NLRP13: variants seen among roughly 807,000 people sequenced by gnomAD.
NLRP13 encodes NLR family pyrin domain containing 13, also known as NACHT, LRR and PYD domains-containing protein 13.
NLRP13 carries 82 observed loss-of-function variants against 94.4 expected under a neutral mutation model. That is an observed-to-expected ratio of 0.87 (90% confidence interval 0.73 to 1.04). The LOEUF is 1.04. NLRP13 is among the 50% of genes least tolerant of loss of function. The pLI is 0.00. For synonymous variants in NLRP13, 553 were observed against 464.7 expected, an observed-to-expected ratio of 1.19 and a Z score of -2.45; for missense variants, 1,426 against 1,230.8, an observed-to-expected ratio of 1.16 and a Z score of -2.37.
intron 1 of NLRP13, among the ~76,000 whole-genome samples, chr19:55,929,126 CAG>C (rs1987041463): frequency 1.3e-5 from 2 of 152,160 alleles, no homozygotes; most frequent in South Asian, 4.1e-4. Flanking sequence ...AGTCAGGAAA[CAG>C]ATGCTGGAGA....
Position 55,910,723 on chromosome 19 carries a change from A to G in NLRP13, c.2122T>C (p.Phe708Leu). ...TTCCATGCGTGCATCCTGGAATCAA[A>G]CTTGCTTGTCCTTCATGAGGGAGAG... is the stretch of plus-strand genomic sequence containing the variant. ...RDLEILETSK[F>L]DSRMHAWNSI... The change falls in exon 6 of 11, where the codon TTT becomes CTT. Residue 708 changes from phenylalanine (F) to leucine (L), a missense_variant. Transcript: ENST00000342929. 1 of 1,607,522 alleles carries G rather than the reference A, an allele frequency of 6.2e-7. No individual in the cohort carries two copies. The highest frequency in any genetic ancestry group is 1.1e-5 in the South Asian group (1 of 90,614).
chr19:55,918,599 A>G (rs1167506167), intron 4 of NLRP13, among the ~76,000 whole-genome samples: 1 of 152,142 alleles, frequency 6.6e-6, no homozygotes, highest in East Asian at 1.9e-4. Context: ...GGACAACTCT[A>G]TACTCACAAA....
chr19:55,924,075 C>T, intron 3 of NLRP13, 96 bp from the exon 4 acceptor site: 1 of 920,756 alleles, frequency 1.1e-6, no homozygotes, highest in East Asian at 2.4e-5. Context: ...CTTTCTATGG[C>T]AAACTTGAGA....
At chr19:55,918,231 T>A in intron 4 of NLRP13, among the ~76,000 whole-genome samples, 1 of 136,770 alleles carries the variant, frequency 7.3e-6, no homozygotes, top group African/African-American at 2.9e-5. Flanking sequence ...AGACACAACA[T>A]ATCAAAACCT....
At chr19:55,899,872 A>G (rs1986118359) in intron 9 of NLRP13, among the ~76,000 whole-genome samples, 1 of 152,158 alleles carries the variant, frequency 6.6e-6, no homozygotes. Flanking sequence ...TGATACATGC[A>G]AATCAAAGAC....
At chr19:55,899,953 GTTTTT>G (rs34231494) in intron 9 of NLRP13, among the ~76,000 whole-genome samples, 3 of 141,122 alleles carry the variant, frequency 2.1e-5, no homozygotes, top group Middle Eastern at 7.2e-3. Flanking sequence ...TATAATTGTT[GTTTTT>G]TTTTTTTTTT....
chr19:55,915,941 T>A (rs1356185508), intron 4 of NLRP13, among the ~76,000 whole-genome samples: 1 of 152,226 alleles, frequency 6.6e-6, no homozygotes, highest in Non-Finnish European at 1.5e-5. Context: ...TCTACTGGAC[T>A]AGATGTCAAA....
At chr19:55,911,315 T>A (rs1032835949) in intron 5 of NLRP13, among the ~76,000 whole-genome samples, 1 of 152,178 alleles carries the variant, frequency 6.6e-6, no homozygotes, top group Non-Finnish European at 1.5e-5. Context: ...TGCTGCAACT[T>A]CTGCCTCCTT....
At position 55,898,932 on chromosome 19, in the gene NLRP13, G is replaced by A; in HGVS notation, c.2795C>T (p.Ser932Leu). Residue 932 changes from serine to leucine, a missense_variant, in exon 10 of 11, where the codon TCA becomes TTA. By Grantham distance (145) the Ser-to-Leu change is moderately radical (BLOSUM62 -2). Coordinates refer to ENST00000342929, the MANE Select transcript of NLRP13 (RefSeq NM_176810.2). ...GCCCTCTCTTGTGAAAGAACAACCT[G>A]ACAAACTGCAAAATAAAAACATACA... ...PDGNLQSLNL[S>L]GCSFTREGCG... 6.2e-7 allele frequency: 1 copy of A among 1,606,030 alleles called. No homozygotes were observed. Among genetic ancestry groups the A allele is most frequent in the Non-Finnish European group, 8.5e-7 (1 of 1,177,278 alleles).
At chr19:55,903,453 G>A (rs915072977) in intron 8 of NLRP13, among the ~76,000 whole-genome samples, 6 of 152,062 alleles carry the variant, frequency 3.9e-5, no homozygotes, top group Admixed American at 3.3e-4. Context: ...AGAGCAGCAC[G>A]ATGCAGCTAG....
At chr19:55,924,713 A>T (rs954756084) in intron 2 of NLRP13, 55 bp from the exon 3 acceptor site, 1 of 1,496,532 alleles carries the variant, frequency 6.7e-7, no homozygotes, top group Non-Finnish European at 9.3e-7. Context: ...AAAATGGGCC[A>T]GCAATAATGG....
chr19:55,906,825 C>T (rs775609250), intron 7 of NLRP13, among the ~76,000 whole-genome samples: 7 of 152,054 alleles, frequency 4.6e-5, no homozygotes, highest in Non-Finnish European at 7.4e-5. Context: ...TTGGATGGCC[C>T]GCATGTCAAC....
chr19:55,892,169 A>G, downstream of NLRP13: 1 of 1,224,872 alleles, frequency 8.2e-7, no homozygotes, highest in South Asian at 4.1e-5. Flanking sequence ...AGAAGTTTAG[A>G]AGTAATTTTT....
chr19:55,907,770 A>G, intron 7 of NLRP13, 22 bp downstream of exon 7: 1 of 1,612,710 alleles, frequency 6.2e-7, no homozygotes, highest in African/African-American at 1.3e-5. Context: ...CCCTTGACAG[A>G]TCTAGGGAGC....
chr19:55,927,610 G>C (rs1334890758), intron 1 of NLRP13, among the ~76,000 whole-genome samples: 3 of 151,992 alleles, frequency 2.0e-5, no homozygotes, highest in Admixed American at 2.0e-4. Flanking sequence ...TGATACTGCT[G>C]GCCAGGCACC....
At chr19:55,904,804 A>G in intron 8 of NLRP13, 138 bp downstream of exon 8, 1 of 710,324 alleles carries the variant, frequency 1.4e-6, no homozygotes. Context: ...TCTGTTTTAG[A>G]GCAATTCCTG....
chr19:55,892,890 T>C (rs57343365), downstream of NLRP13, among the ~76,000 whole-genome samples: 3,037 of 152,254 alleles, frequency 0.02, 104 homozygotes, highest in African/African-American at 0.069. Flanking sequence ...AGCAGTGTAG[T>C]ACTCCATGGT....
intron 4 of NLRP13, among the ~76,000 whole-genome samples, chr19:55,915,629 T>C (rs1986656579): frequency 6.6e-6 from 1 of 151,854 alleles, no homozygotes; most frequent in Non-Finnish European, 1.5e-5. Context: ...ATAATCACAA[T>C]TCAAACAGAG....
At chr19:55,923,205 C>T (rs1464957091) in intron 4 of NLRP13, among the ~76,000 whole-genome samples, 6 of 152,208 alleles carry the variant, frequency 3.9e-5, no homozygotes, top group South Asian at 2.1e-4. Context: ...CAGAAGCAGA[C>T]ACCAGTGTGT....
Sources: gnomAD v4.1 joint callset for allele counts (sites outside exome capture counted in the v4.1 genomes callset) on GRCh38, gnomAD v4.1.1 for gene constraint, MANE v1.5 for transcripts, NCBI Gene and HGNC (gene_info 2026-07-23, HGNC 2026-07-21) for gene names.